MID1: variants seen among roughly 807,000 people sequenced by gnomAD.
MID1 encodes E3 ubiquitin-protein ligase Midline-1.
Under a neutral mutation model 40.4 loss-of-function variants are expected in MID1, and 7 were observed. The observed-to-expected ratio is 0.17, with a 90% confidence interval of 0.10 to 0.33. The LOEUF (loss-of-function observed/expected upper bound fraction) is 0.33. Ranked by LOEUF, MID1 falls within the 10% of genes least tolerant of loss-of-function variation. The pLI is 1.00. For synonymous variants in MID1, 229 were observed against 221.2 expected, an observed-to-expected ratio of 1.04 and a Z score of -0.31; for missense variants, 367 against 558.5, an observed-to-expected ratio of 0.66 and a Z score of 3.46.
intron 1 of MID1, among the ~76,000 whole-genome samples, chrX:10,785,563 A>G (rs1371201130): frequency 9.0e-6 from 1 of 111,548 alleles, no homozygotes; most frequent in Admixed American, 9.5e-5. Flanking sequence ...CTGACTTCAA[A>G]CTATACTACA....
upstream of MID1, among the ~76,000 whole-genome samples, chrX:10,623,083 CAAAAAAA>C (rs763054366): frequency 3.1e-5 from 1 of 32,516 alleles, no homozygotes; most frequent in Admixed American, 3.8e-4. Context: ...GCTGTCTCTA[CAAAAAAA>C]AAAAAAAAAA....
At chrX:10,481,664 T>C (rs1930335224) in intron 5 of MID1, among the ~76,000 whole-genome samples, 1 of 111,302 alleles carries the variant, frequency 9.0e-6, no homozygotes, top group Non-Finnish European at 1.9e-5. Flanking sequence ...CAGGCTGGTC[T>C]CGAACTCCTG....
chrX:10,674,876 C>G (rs1400366643), intron 1 of MID1, among the ~76,000 whole-genome samples: 1 of 111,920 alleles, frequency 8.9e-6, no homozygotes, highest in East Asian at 2.8e-4. Context: ...CATTTTTTGG[C>G]AAAGGATATC....
At chrX:10,511,974 G>A (rs1932182525) in intron 3 of MID1, among the ~76,000 whole-genome samples, 1 of 112,268 alleles carries the variant, frequency 8.9e-6, no homozygotes, top group African/African-American at 3.2e-5. Flanking sequence ...TGTCAGTGCT[G>A]AAAAAGTTTT....
chrX:10,449,710 G>A lies in MID1; in HGVS notation c.1662C>T (p.Ala554=). 8.3e-7 allele frequency: 1 copy of A among 1,201,021 alleles called. No individual in the cohort carries two copies. The highest frequency in any genetic ancestry group is 1.1e-6 in the Non-Finnish European group (1 of 886,144). ...GGGCTGATTTGTAAGCAAGACCAAT[G>A]GCATACCTGCGGAAACAAAACAGCA... is the stretch of plus-strand genomic sequence containing the variant. ...EVVISGSTWY[A]IGLAYKSAPK... The change falls in exon 10 of 10, where the codon GCC becomes GCT. Residue 554 remains alanine (A), a synonymous_variant. Transcript: ENST00000317552.
intron 2 of MID1, among the ~76,000 whole-genome samples, chrX:10,525,226 A>C (rs749174549): frequency 3.5e-4 from 39 of 112,577 alleles, no homozygotes; most frequent in Non-Finnish European, 1.1e-4. Flanking sequence ...TCTAAGGCTT[A>C]AAATGCATAT....
chrX:10,692,391 TG>T (rs2043136846), intron 1 of MID1, among the ~76,000 whole-genome samples: 1 of 111,419 alleles, frequency 9.0e-6, no homozygotes, highest in African/African-American at 3.3e-5. Flanking sequence ...GTTGAAATAC[TG>T]GGGGCTGGTT....
chrX:10,722,351 A>C (rs751044091), intron 1 of MID1, among the ~76,000 whole-genome samples: 4 of 112,219 alleles, frequency 3.6e-5, no homozygotes, highest in Non-Finnish European at 5.6e-5. Flanking sequence ...GATATTTAGC[A>C]ATGCTGGCTA....
chrX:10,590,513 G>C (rs1935269500), intron 1 of MID1, among the ~76,000 whole-genome samples: 1 of 111,422 alleles, frequency 9.0e-6, no homozygotes, highest in Non-Finnish European at 1.9e-5. Context: ...GTAGTCTTCT[G>C]AGGGTGAGTT....
intron 1 of MID1, among the ~76,000 whole-genome samples, chrX:10,679,932 T>C (rs1315943619): frequency 8.9e-6 from 1 of 112,340 alleles, no homozygotes; most frequent in South Asian, 3.7e-4. Context: ...GATATTATTA[T>C]TACTATTCTT....
intron 1 of MID1, among the ~76,000 whole-genome samples, chrX:10,728,046 G>T (rs1482321769): frequency 1.8e-5 from 2 of 112,134 alleles, no homozygotes; most frequent in Non-Finnish European, 3.8e-5. Context: ...TGGTTCTTTG[G>T]ACCATCTTCT....
At position 10,677,475 on chromosome X, in the gene MID1, C is replaced by T. The variant is rs769531499; in HGVS notation, c.-186-57056G>A. 3.6e-5 allele frequency: 4 copies of T among 112,405 alleles called. No homozygotes were observed. The South Asian group carries it at 1.1e-3, about 31-fold the overall frequency. The allele number at this position is 112,405 out of a possible 1,213,427, so 9.3% of individuals were successfully genotyped here. ...AAAAAGAAGACTTACCTTTTTATTA[C>T]GTCATTTAAAACCCTGAAACGAATA... is the stretch of plus-strand genomic sequence containing the variant. On this transcript the variant is annotated intron_variant, in intron 1 of 10. Coordinates refer to the MID1 transcript ENST00000380785.
intron 1 of MID1, among the ~76,000 whole-genome samples, chrX:10,640,081 T>G (rs761971571): frequency 9.0e-6 from 1 of 111,673 alleles, no homozygotes; most frequent in African/African-American, 3.3e-5. Flanking sequence ...GTAAAGACCA[T>G]CAGTGCTAGG....
chrX:10,737,033 A>G (rs2043492483), intron 1 of MID1, among the ~76,000 whole-genome samples: 1 of 112,221 alleles, frequency 8.9e-6, no homozygotes, highest in Non-Finnish European at 1.9e-5. Flanking sequence ...TTGTATTTAC[A>G]TTGTGTGTGT....
At chrX:10,596,484 G>T (rs1446074317) in intron 1 of MID1, among the ~76,000 whole-genome samples, 6 of 111,906 alleles carry the variant, frequency 5.4e-5, no homozygotes, top group African/African-American at 1.6e-4. Flanking sequence ...ACAGTTCCAA[G>T]AACATGTGAT....
rs748913710 is a variant in MID1, at chrX:10,668,190, T to C, written c.-186-47771A>G. Among the ~76,000 whole-genome samples the C allele has an allele frequency of 3.2e-3, 364 of 112,002 alleles. 2 individuals are homozygous for C. Among genetic ancestry groups the C allele is most frequent in the African/African-American group, 0.011 (349 of 30,862 alleles). ...AGCTGTAATAGCTGCCTGTATTTGCTTGCCATAGTGCTATTACTCACATAA... is the reference window on the plus strand; with the variant it reads ...AGCTGTAATAGCTGCCTGTATTTGCCTGCCATAGTGCTATTACTCACATAA... On this transcript the variant is annotated intron_variant, in intron 1 of 10. Coordinates refer to the MID1 transcript ENST00000380785.
At chrX:10,648,552 TTTC>T (rs1454837045) in intron 1 of MID1, among the ~76,000 whole-genome samples, 1 of 112,277 alleles carries the variant, frequency 8.9e-6, no homozygotes, top group African/African-American at 3.2e-5. Context: ...TGATCTTCCT[TTTC>T]TTCATTTGCT....
chrX:10,749,155 C>T (rs1472958935), intron 1 of MID1, among the ~76,000 whole-genome samples: 1 of 110,923 alleles, frequency 9.0e-6, no homozygotes, highest in East Asian at 2.8e-4. Flanking sequence ...GAGGTTCTTC[C>T]CTGATATTTG....
At chrX:10,522,255 T>C (rs970633403) in intron 3 of MID1, among the ~76,000 whole-genome samples, 1 of 111,748 alleles carries the variant, frequency 8.9e-6, no homozygotes, top group African/African-American at 3.2e-5. Context: ...CAGGAGAATG[T>C]GATAACGGAG....
Sources: gnomAD v4.1 joint callset for allele counts (sites outside exome capture counted in the v4.1 genomes callset) on GRCh38, gnomAD v4.1.1 for gene constraint, MANE v1.5 for transcripts, NCBI Gene and HGNC (gene_info 2026-07-23, HGNC 2026-07-21) for gene names.